The following FMOD variants were observed in gnomAD, a reference collection of about 807,000 sequenced individuals.
The protein encoded by FMOD is fibromodulin.
In FMOD, 15 loss-of-function variants were observed where a neutral mutation model predicts 27.0. The ratio of observed to expected loss-of-function variants is 0.55; its 90% confidence interval spans 0.37 to 0.85. FMOD has a LOEUF of 0.85. Ranked by LOEUF, FMOD falls within the 40% of genes least tolerant of loss-of-function variation. FMOD has a pLI of 0.00. For missense variants in FMOD, 460 were observed against 483.2 expected (o/e 0.95, Z 0.45); for synonymous variants, 210 against 214.0 (o/e 0.98, Z 0.16).
At position 203,347,987 on chromosome 1, in the gene FMOD, C is replaced by G. The variant is rs774641258; in HGVS notation, c.284G>C (p.Arg95Pro). Residue 95 changes from arginine (R) to proline (P), a missense_variant, in exon 2 of 3, where the codon CGC (arginine) becomes CCC (proline). By Grantham distance (103) the Arg-to-Pro change is moderately radical (BLOSUM62 -2). Coordinates refer to ENST00000354955, the MANE Select transcript of FMOD (RefSeq NM_002023.5). Reference sequence around the variant, plus strand: ...AACGAAGGGCAGGTACTTGAGGTTGCGATTGTCACAGTACATGGCCGTGGG... The same window carrying G: ...AACGAAGGGCAGGTACTTGAGGTTGGGATTGTCACAGTACATGGCCGTGGG... The part of the protein sequence containing the change: ...NFPTAMYCDN[R>P]NLKYLPFVPS... 3.7e-6 allele frequency: 6 copies of G among 1,602,790 alleles called. No individual in the cohort carries two copies. The African/African-American group carries it at 6.7e-5, about 18-fold the overall frequency.
rs767534708 is a variant in FMOD, at chr1:203,347,677, C to T, written c.594G>A (p.Gly198=). 6.2e-7 allele frequency: 1 copy of T among 1,614,138 alleles called. No homozygotes were observed. Among genetic ancestry groups the T allele is most frequent in the Non-Finnish European group, 8.5e-7 (1 of 1,180,032 alleles). ...GGTACAAGGCCGTGAGGTTCTCCAGCCCCTCCAGAGCATTGTTGGGGACCC... is the reference window on the plus strand; with the variant it reads ...GGTACAAGGCCGTGAGGTTCTCCAGTCCCTCCAGAGCATTGTTGGGGACCC... ...ISRVPNNALE[G]LENLTALYLQ... is the part of the protein sequence containing the mutation. The change falls in exon 2 of 3, where the codon GGG becomes GGA. Residue 198 remains glycine (G), a synonymous_variant. Transcript: ENST00000354955.
chr1:203,349,909 C>T (rs1404616558), intron 1 of FMOD, among the ~76,000 whole-genome samples: 1 of 152,254 alleles, frequency 6.6e-6, no homozygotes, highest in African/African-American at 2.4e-5. Context: ...CAAAGAGCCA[C>T]AGTGTTTTGG....
At position 203,342,183 on chromosome 1, in the gene FMOD, G is replaced by T; in HGVS notation, c.*160C>A. Reference sequence around the variant, plus strand: ...CCTCAGCAGAAGGCTGCCTGTCCCTGATCGCCCCCCCTAACCCCACCTACA... The same window carrying T: ...CCTCAGCAGAAGGCTGCCTGTCCCTTATCGCCCCCCCTAACCCCACCTACA... On this transcript the variant is annotated 3_prime_UTR_variant, in exon 3 of 3. Transcript: ENST00000354955. 1 of 808,124 alleles carries T rather than the reference G, an allele frequency of 1.2e-6. No homozygotes were observed. Among genetic ancestry groups the T allele is most frequent in the Non-Finnish European group, 1.9e-6 (1 of 535,562 alleles). The allele number at this position is 808,124 out of a possible 1,614,324, so 50.1% of individuals were successfully genotyped here.
intron 2 of FMOD, among the ~76,000 whole-genome samples, chr1:203,344,243 G>C (rs1458621175): frequency 6.6e-6 from 1 of 152,130 alleles, no homozygotes; most frequent in Admixed American, 6.5e-5. Context: ...GGAGCTGCAG[G>C]CTCCGTGATA....
rs766198188 is a variant in FMOD at position 203,347,520 on chromosome 1, T to G, written c.751A>C (p.Met251Leu). The change falls in exon 2 of 3, where the codon ATG becomes CTG. Residue 251 changes from methionine to leucine, a missense_variant. By Grantham distance (15) the Met-to-Leu change is conservative (BLOSUM62 2). Coordinates refer to ENST00000354955, the MANE Select transcript of FMOD (RefSeq NM_002023.5). ...ACGGTGTAGACATTGTTGTGCTCCA[T>G]GTACAGCTGCTCAAGAGCTGAGGGC... is the stretch of plus-strand genomic sequence containing the variant. ...GLPSALEQLY[M>L]EHNNVYTVPD... is the part of the protein sequence containing the mutation. The G allele has an allele frequency of 1.2e-6, 2 of 1,614,182 alleles. No individual in the cohort carries two copies. The highest frequency in any genetic ancestry group is 1.7e-6 in the Non-Finnish European group (2 of 1,180,024).
chr1:203,349,220 C>G (rs1271957071), intron 1 of FMOD, among the ~76,000 whole-genome samples: 2 of 152,138 alleles, frequency 1.3e-5, no homozygotes, highest in African/African-American at 4.8e-5. Context: ...TGAGGGACAC[C>G]AAAAGAATAG....
chr1:203,347,819 A>G lies in FMOD; in HGVS notation c.452T>C (p.Phe151Ser), dbSNP rs1307130086. The change falls in exon 2 of 3, where the codon TTC (phenylalanine) becomes TCC (serine). Residue 151 changes from phenylalanine (F) to serine (S), a missense_variant. Transcript: ENST00000354955. ...ITSDKVGRKV[F>S]SKLRHLERLY... ...CCTCTCCAGGTGCCTCAGCTTGGAG[A>G]AGACCTTCCTGCCCACCTTATCACT... The G allele has an allele frequency of 6.2e-7, 1 of 1,613,928 alleles. No homozygotes were observed. Among genetic ancestry groups the G allele is most frequent in the Admixed American group, 1.7e-5 (1 of 60,006 alleles).
chr1:203,349,277 G>C (rs1004226640), intron 1 of FMOD, among the ~76,000 whole-genome samples: 2 of 152,230 alleles, frequency 1.3e-5, no homozygotes, highest in African/African-American at 4.8e-5. Flanking sequence ...AGCAGCTTGA[G>C]GTAGGACCCT....
intron 1 of FMOD, 50 bp from the exon 2 acceptor site, chr1:203,348,327 C>T (rs1230575451): frequency 1.3e-6 from 2 of 1,567,576 alleles, no homozygotes; most frequent in East Asian, 2.2e-5. Context: ...TGAGACTCCA[C>T]AGAGGCAGTG....
rs773173113 is a variant in FMOD, at chr1:203,348,085, G to A, written c.186C>T (p.Ala62=). The change falls in exon 2 of 3, where the codon GCC becomes GCT. Residue 62 remains alanine (A), a synonymous_variant. Transcript: ENST00000354955. ...GAGGGGATGGAGAGCCGTAGGTGTA[G>A]GCTGGCCCTTCATCCACCCCATAGG... The part of the protein sequence containing the change: ...PYPYGVDEGP[A]YTYGSPSPPD... 1.1e-5 allele frequency: 17 copies of A among 1,614,170 alleles called. No homozygotes were observed. Among genetic ancestry groups the A allele is most frequent in the Non-Finnish European group, 1.4e-5 (17 of 1,180,006 alleles).
rs772197154 is a variant in FMOD, at chr1:203,347,392, G to A, written c.879C>T (p.Ser293=). Residue 293 remains serine, a synonymous_variant, in exon 2 of 3, where the codon AGC becomes AGT. Transcript: ENST00000354955. Reference sequence around the variant, plus strand: ...AGGAGAGGTCTAGCTCAAGGAGGCTGCTGGAATTGAAGGTGTTGGAGGCCA... The same window carrying A: ...AGGAGAGGTCTAGCTCAAGGAGGCTACTGGAATTGAAGGTGTTGGAGGCCA... The part of the protein sequence containing the change: ...NGLASNTFNS[S]SLLELDLSYN... The A allele has an allele frequency of 6.2e-7, 1 of 1,614,204 alleles. No homozygotes were observed. The highest frequency in any genetic ancestry group is 8.5e-7 in the Non-Finnish European group (1 of 1,180,026).
rs556007632 is a variant in FMOD at position 203,341,596 on chromosome 1, C to T, written c.*747G>A. ...CCAGCTGCCAAAATATAGCCCTATACATTGATCTAAGCCTGAGGTTGGCTG... is the reference window on the plus strand; with the variant it reads ...CCAGCTGCCAAAATATAGCCCTATATATTGATCTAAGCCTGAGGTTGGCTG... On this transcript the variant is annotated 3_prime_UTR_variant, in exon 3 of 3. Coordinates refer to ENST00000354955, the MANE Select transcript of FMOD (RefSeq NM_002023.5). 2 of 152,334 alleles carry T rather than the reference C, an allele frequency of 1.3e-5. No homozygotes were observed. Among genetic ancestry groups the T allele is most frequent in the African/African-American group, 4.8e-5 (2 of 41,574 alleles). 9.4% of individuals were successfully genotyped at this position (152,334 alleles called of 1,614,324 possible).
intron 2 of FMOD, among the ~76,000 whole-genome samples, chr1:203,343,004 C>A (rs780961312): frequency 2.0e-5 from 3 of 152,072 alleles, no homozygotes; most frequent in African/African-American, 7.2e-5. Context: ...AAGCCTGGGC[C>A]GAGAGACAAG....
Position 203,342,972 on chromosome 1 carries a change from G to A in FMOD, c.980-478C>T, listed in dbSNP as rs376473569. On this transcript the variant is annotated intron_variant, in intron 2 of 2. Transcript: ENST00000354955. The stretch of plus-strand genomic sequence containing the variant: ...ACTTAATACTTTACAGATAGAAAAA[G>A]TGGCAGGAAATTAAAGAGAGAAAGC... Among the ~76,000 whole-genome samples the A allele has an allele frequency of 2.6e-5, 4 of 152,140 alleles. No homozygotes were observed. The South Asian group carries it at 8.3e-4, about 31-fold the overall frequency.
chr1:203,350,242 C>A (rs2102306430), intron 1 of FMOD, among the ~76,000 whole-genome samples: 1 of 152,300 alleles, frequency 6.6e-6, no homozygotes, highest in East Asian at 1.9e-4. Flanking sequence ...GAGCTTATGC[C>A]TCTCCTTACC....
rs764401923 is a variant in FMOD, at chr1:203,342,369, G to A, written c.1105C>T (p.Arg369Cys). The A allele has an allele frequency of 4.3e-6, 7 of 1,612,744 alleles. No homozygotes were observed. Among genetic ancestry groups the A allele is most frequent in the East Asian group, 4.5e-5 (2 of 44,844 alleles). ...AMPADAPLCLRLASLIEI is the reference protein window; with the variant it reads ...AMPADAPLCLCLASLIEI ...CAGATCTCGATGAGGCTGGCAAGGC[G>A]CAGGCAGAGGGGCGCGTCGGCAGGC... The change falls in exon 3 of 3, where the codon CGC (arginine) becomes TGC (cysteine). Residue 369 changes from arginine (R) to cysteine (C), a missense_variant. By Grantham distance (180) the Arg-to-Cys change is radical. Transcript: ENST00000354955.
intron 2 of FMOD, among the ~76,000 whole-genome samples, chr1:203,344,987 T>C (rs6428003): frequency 0.95 from 143,890 of 152,226 alleles, 68,549 homozygotes; most frequent in East Asian, 1. Context: ...AACTTTAAAG[T>C]GGCAATGAGA....
Position 203,348,099 on chromosome 1 carries a change from C to T in FMOD, c.172G>A (p.Asp58Asn). 1 of 1,614,090 alleles carries T rather than the reference C, an allele frequency of 6.2e-7. No individual in the cohort carries two copies. Among genetic ancestry groups the T allele is most frequent in the Non-Finnish European group, 8.5e-7 (1 of 1,179,980 alleles). The change falls in exon 2 of 3, where the codon GAT becomes AAT. Residue 58 changes from aspartate to asparagine, a missense_variant. Physicochemically the swap from Asp to Asn is conservative, Grantham distance 23 (BLOSUM62 1). Transcript: ENST00000354955. ...ETYEPYPYGV[D>N]EGPAYTYGSP... ...CCGTAGGTGTAGGCTGGCCCTTCAT[C>T]CACCCCATAGGGGTAAGGCTCGTAG...
At chr1:203,350,139 A>T (rs747270009) in intron 1 of FMOD, among the ~76,000 whole-genome samples, 7 of 152,074 alleles carry the variant, frequency 4.6e-5, no homozygotes, top group Admixed American at 2.0e-4. Context: ...GACAAGAGCC[A>T]CCTTCCCCTT....
Sources: allele counts gnomAD v4.1 joint callset (sites outside exome capture counted in the v4.1 genomes callset), GRCh38; gene constraint gnomAD v4.1.1; transcripts MANE v1.5; gene names NCBI Gene and HGNC (gene_info 2026-07-23, HGNC 2026-07-21).